Variants in MTHFS observed in about 807,000 individuals in gnomAD.
MTHFS encodes the protein 5-formyltetrahydrofolate cyclo-ligase.
Under a neutral mutation model 12.7 loss-of-function variants are expected in MTHFS, and 7 were observed. The ratio of observed to expected loss-of-function variants is 0.55; its 90% CI spans 0.31 to 1.03. MTHFS has a LOEUF of 1.03. Among genes scored for constraint, MTHFS ranks in the 50% least tolerant of loss-of-function variants. The probability of loss-of-function intolerance (pLI) is 0.05; values close to 1 mark genes in which losing one functional copy is unlikely to be tolerated. For synonymous variants in MTHFS, 100 were observed against 97.1 expected (o/e 1.03, Z -0.18); for missense variants, 252 against 258.1 (o/e 0.98, Z 0.16).
chr15:79,897,181 C>G (rs2903105), upstream of MTHFS: 256,425 of 499,818 alleles, frequency 0.51, 68,104 homozygotes, highest in Non-Finnish European at 0.57. Flanking sequence ...GCCCTTGGGA[C>G]CCAGCCCTCG....
chr15:79,881,223 A>C (rs2034289620), intron 2 of MTHFS, among the ~76,000 whole-genome samples: 1 of 152,244 alleles, frequency 6.6e-6, no homozygotes, highest in Non-Finnish European at 1.5e-5. Context: ...GCGAGGTTTA[A>C]GTCACCTGGG....
intron 1 of MTHFS, among the ~76,000 whole-genome samples, chr15:79,895,179 T>G (rs1003729073): frequency 6.6e-6 from 1 of 152,232 alleles, no homozygotes; most frequent in African/African-American, 2.4e-5. Flanking sequence ...GGCGCCAGAT[T>G]CAGCCCAGAT....
At chr15:79,852,699 GA>G (rs2033737842) in intron 2 of MTHFS, among the ~76,000 whole-genome samples, 1 of 152,160 alleles carries the variant, frequency 6.6e-6, no homozygotes, top group South Asian at 2.1e-4. Flanking sequence ...AAAAGCATTA[GA>G]AATAAGTACC....
At chr15:79,869,820 A>C (rs906913891) in intron 2 of MTHFS, among the ~76,000 whole-genome samples, 1 of 152,156 alleles carries the variant, frequency 6.6e-6, no homozygotes, top group Non-Finnish European at 1.5e-5. Context: ...GAAGAACCCA[A>C]ATCAATAAAA....
At position 79,867,900 on chromosome 15, in the gene MTHFS, C is replaced by G. The variant is rs528792864; in HGVS notation, c.379+21193G>C. Among the ~76,000 whole-genome samples the G allele has an allele frequency of 5.9e-5, 9 of 152,284 alleles. No homozygotes were observed. The South Asian group carries it at 1.9e-3, about 32-fold the overall frequency. ...TACTGGGATCATAGAAGAATGCACA[C>G]TGTAGCTTTGAGTGGAGTGTGTGTG... On this transcript the variant is annotated intron_variant, in intron 2 of 2. Coordinates refer to ENST00000258874, the MANE Select transcript of MTHFS (RefSeq NM_006441.4).
At chr15:79,890,251 T>C (rs2034452326) in intron 1 of MTHFS, among the ~76,000 whole-genome samples, 1 of 130,234 alleles carries the variant, frequency 7.7e-6, no homozygotes, top group African/African-American at 2.9e-5. Flanking sequence ...AGGGTCTCCC[T>C]CTGTTGCCCA....
At position 79,845,064 on chromosome 15, in the gene MTHFS, TA is replaced by T. The variant is rs1566984952; in HGVS notation, c.*145del. ...ATTGGTTTTTAAAGATGGTTTTATA[TA>T]AGGTATTTCATAATTACAATTTTAA... On this transcript the variant is annotated 3_prime_UTR_variant, in exon 3 of 3. Coordinates refer to ENST00000258874, the MANE Select transcript of MTHFS (RefSeq NM_006441.4). 1.1e-5 allele frequency: 12 copies of T among 1,057,700 alleles called. No homozygotes were observed. Among genetic ancestry groups the T allele is most frequent in the Admixed American group, 5.7e-5 (2 of 34,830 alleles). 65.5% of individuals were successfully genotyped at this position (1,057,700 alleles called of 1,614,324 possible). A position where few individuals can be genotyped will look rare whatever the true frequency, so the allele number is the denominator to read the frequency against.
chr15:79,864,293 C>T (rs1246053040), intron 2 of MTHFS, among the ~76,000 whole-genome samples: 2 of 151,952 alleles, frequency 1.3e-5, no homozygotes, highest in Admixed American at 1.3e-4. Context: ...ACCTGTAATC[C>T]CAGCACTCTG....
intron 1 of MTHFS, 37 bp downstream of exon 1, chr15:79,896,835 C>G: frequency 6.5e-7 from 1 of 1,538,040 alleles, no homozygotes; most frequent in South Asian, 1.2e-5. Flanking sequence ...TTCGGAGGGT[C>G]TGTCCGCCGC....
intron 2 of MTHFS, among the ~76,000 whole-genome samples, chr15:79,886,644 C>T (rs941370211): frequency 1.3e-5 from 2 of 151,706 alleles, no homozygotes; most frequent in Non-Finnish European, 2.9e-5. Flanking sequence ...TTTTAATATT[C>T]AGTATCTTTT....
intron 2 of MTHFS, among the ~76,000 whole-genome samples, chr15:79,849,964 G>C (rs1193710567): frequency 6.6e-6 from 1 of 152,254 alleles, no homozygotes; most frequent in Non-Finnish European, 1.5e-5. Context: ...CTCTGAAACA[G>C]CAGTGCCCTC....
At chr15:79,889,713 G>C (rs1310700405) in intron 1 of MTHFS, among the ~76,000 whole-genome samples, 2 of 152,096 alleles carry the variant, frequency 1.3e-5, no homozygotes, top group African/African-American at 4.8e-5. Context: ...GCTTTTCCTA[G>C]AGTATGCTTT....
chr15:79,848,319 G>C (rs2033654981), intron 2 of MTHFS, among the ~76,000 whole-genome samples: 2 of 152,188 alleles, frequency 1.3e-5, no homozygotes, highest in Admixed American at 1.3e-4. Context: ...ACAGAATGTA[G>C]AATGATGGTT....
intron 2 of MTHFS, among the ~76,000 whole-genome samples, chr15:79,858,314 T>A (rs1434750750): frequency 1.3e-5 from 2 of 152,278 alleles, no homozygotes; most frequent in South Asian, 4.1e-4. Context: ...TCCAAGGTAA[T>A]AGGTACAAAG....
rs143252176 is a variant in MTHFS, at chr15:79,861,480, A to G, written c.380-16038T>C. ...TTCACTCACTCAGGGAGAGGTCAAC[A>G]TACTCTCATGTGTTGGTGATGAGTA... On this transcript the variant is annotated intron_variant, in intron 2 of 2. Coordinates refer to ENST00000258874, the MANE Select transcript of MTHFS (RefSeq NM_006441.4). Among the ~76,000 whole-genome samples the G allele has an allele frequency of 4.9e-3, 741 of 152,336 alleles. 6 individuals carry two copies. Among genetic ancestry groups the G allele is most frequent in the Non-Finnish European group, 7.9e-3 (540 of 68,034 alleles).
At chr15:79,887,916 C>T (rs942366578) in intron 2 of MTHFS, among the ~76,000 whole-genome samples, 3 of 152,108 alleles carry the variant, frequency 2.0e-5, no homozygotes, top group Non-Finnish European at 2.9e-5. Context: ...AATCCCTCTA[C>T]TGTTACGAGT....
At chr15:79,865,354 C>G (rs80005613) in intron 2 of MTHFS, among the ~76,000 whole-genome samples, 3,384 of 152,208 alleles carry the variant, frequency 0.022, 118 homozygotes, top group African/African-American at 0.077. Flanking sequence ...TGATTAGAAA[C>G]CAGGAAAGAA....
In MTHFS at chr15:79,845,201, A is replaced by G. The variant is rs1428695687; in HGVS notation, c.*9T>C. On this transcript the variant is annotated 3_prime_UTR_variant, in exon 3 of 3. Transcript: ENST00000258874. ...AAAACACTGATTATTTGGCTGTAGT[A>G]ATCCAGATTTAAGCTGTTGACGAGT... 1 of 1,614,036 alleles carries G rather than the reference A, an allele frequency of 6.2e-7. No homozygotes were observed. The highest frequency in any genetic ancestry group is 8.5e-7 in the Non-Finnish European group (1 of 1,179,908).
intron 2 of MTHFS, among the ~76,000 whole-genome samples, chr15:79,869,959 G>C (rs1252443804): frequency 6.6e-6 from 1 of 151,902 alleles, no homozygotes; most frequent in African/African-American, 2.4e-5. Flanking sequence ...CAAAAACAGA[G>C]GAAAGAAGGG....
Sources: gnomAD v4.1 joint callset for allele counts (sites outside exome capture counted in the v4.1 genomes callset) on GRCh38, gnomAD v4.1.1 for gene constraint, MANE v1.5 for transcripts, NCBI Gene and HGNC (gene_info 2026-07-23, HGNC 2026-07-21) for gene names.